Variants in PLXDC2 observed in about 807,000 individuals in gnomAD.
The protein encoded by PLXDC2 is plexin domain containing 2, also known as plexin domain-containing protein 2.
PLXDC2 carries 40 observed loss-of-function variants against 68.9 expected under a neutral mutation model. That is an observed-to-expected ratio of 0.58 (90% confidence interval 0.45 to 0.76). PLXDC2 has a LOEUF of 0.76. Among genes scored for constraint, PLXDC2 ranks in the 30% least tolerant of loss-of-function variants. The pLI is 0.00. For synonymous variants in PLXDC2, 243 were observed against 234.2 expected (o/e 1.04, Z -0.34); for missense variants, 644 against 661.9 (o/e 0.97, Z 0.30).
intron 3 of PLXDC2, among the ~76,000 whole-genome samples, chr10:20,050,199 C>CA (rs1354114448): frequency 3.3e-5 from 5 of 152,070 alleles, no homozygotes; most frequent in East Asian, 3.9e-4. Flanking sequence ...ACACCATATA[C>CA]AAAAAATCAA....
At chr10:20,196,953 C>A (rs1175407736) in intron 9 of PLXDC2, among the ~76,000 whole-genome samples, 1 of 151,786 alleles carries the variant, frequency 6.6e-6, no homozygotes, top group Non-Finnish European at 1.5e-5. Flanking sequence ...GTTCTTAGTG[C>A]CTGCACTTGA....
chr10:20,279,781 G>C lies in PLXDC2; in HGVS notation c.1552G>C (p.Gly518Arg). 6.2e-7 allele frequency: 1 copy of C among 1,613,934 alleles called. No homozygotes were observed. Among genetic ancestry groups the C allele is most frequent in the Non-Finnish European group, 8.5e-7 (1 of 1,179,920 alleles). ...HPAYAEVEPV[G>R]EKEGFIVSEQ... The stretch of plus-strand genomic sequence containing the variant: ...TGCCTATGCTGAAGTTGAACCAGTT[G>C]GAGAGAAAGAAGGCTTTATTGTATC... Residue 518 changes from glycine to arginine, a missense_variant, in exon 14 of 14, where the codon GGA becomes CGA. Physicochemically the swap from Gly to Arg is moderately radical, Grantham distance 125. Transcript: ENST00000377252.
At chr10:19,848,097 A>T (rs1361971438) in intron 1 of PLXDC2, among the ~76,000 whole-genome samples, 1 of 152,090 alleles carries the variant, frequency 6.6e-6, no homozygotes, top group Non-Finnish European at 1.5e-5. Flanking sequence ...AGGCAGGAGG[A>T]TCACTTGAGC....
chr10:20,039,467 G>A (rs1372600957), intron 2 of PLXDC2, among the ~76,000 whole-genome samples: 5 of 152,222 alleles, frequency 3.3e-5, no homozygotes, highest in South Asian at 4.1e-4. Context: ...CAGCTGTTTC[G>A]CAGAGCAATT....
At chr10:20,267,730 T>A (rs1835888709) in intron 13 of PLXDC2, among the ~76,000 whole-genome samples, 1 of 151,836 alleles carries the variant, frequency 6.6e-6, no homozygotes, top group Admixed American at 6.6e-5. Flanking sequence ...AACCATATTA[T>A]CAAACCCCTG....
At chr10:20,064,963 A>G (rs1209794425) in intron 3 of PLXDC2, among the ~76,000 whole-genome samples, 1 of 152,004 alleles carries the variant, frequency 6.6e-6, no homozygotes, top group Non-Finnish European at 1.5e-5. Context: ...CCAACTGGCT[A>G]TAATGATAAC....
intron 4 of PLXDC2, among the ~76,000 whole-genome samples, chr10:20,094,258 T>C (rs1833319242): frequency 6.6e-6 from 1 of 152,240 alleles, no homozygotes; most frequent in Non-Finnish European, 1.5e-5. Flanking sequence ...GCTTAAAATA[T>C]CTGAGAACGT....
intron 4 of PLXDC2, among the ~76,000 whole-genome samples, chr10:20,076,447 C>T (rs1411389550): frequency 1.3e-5 from 2 of 152,164 alleles, no homozygotes; most frequent in Non-Finnish European, 2.9e-5. Context: ...ATAAAAATAC[C>T]TGGTGCATAA....
chr10:20,051,799 T>A (rs113757802), intron 3 of PLXDC2, among the ~76,000 whole-genome samples: 190 of 152,110 alleles, frequency 1.2e-3, no homozygotes, highest in African/African-American at 4.4e-3. Flanking sequence ...GGGACCATGC[T>A]TGGACTCTAT....
intron 13 of PLXDC2, among the ~76,000 whole-genome samples, chr10:20,260,329 T>A (rs911416138): frequency 6.6e-6 from 1 of 152,228 alleles, no homozygotes; most frequent in African/African-American, 2.4e-5. Context: ...AGTTTGTACC[T>A]TTGGGTCTAC....
rs1589643308 is a variant in PLXDC2, at chr10:20,126,742, A to ACACACGTTATATATGTATATAGAACG, written c.542-16528_542-16527insGCACACGTTATATATGTATATAGAAC. 4.3e-4 allele frequency among the ~76,000 whole-genome samples: 2 copies of ACACACGTTATATATGTATATAGAACG among 4,654 alleles called. 1 individual carries two copies. The highest frequency in any genetic ancestry group is 0.018 in the East Asian group (2 of 112). The allele number at this position is 4,654 out of a possible 152,430, so 3.1% of individuals were successfully genotyped here. ...CACACGTTATATATGTATATAGAACACACACGTTATATATGTATATAGAAC... is the reference window on the plus strand; with the variant it reads ...CACACGTTATATATGTATATAGAACACACACGTTATATATGTATATAGAACGCACACGTTATATATGTATATAGAAC... On this transcript the variant is annotated intron_variant, in intron 4 of 13. Transcript: ENST00000377252.
At chr10:19,903,244 G>A (rs1488661429) in intron 1 of PLXDC2, among the ~76,000 whole-genome samples, 1 of 151,706 alleles carries the variant, frequency 6.6e-6, no homozygotes. Context: ...AGTGTCAATA[G>A]CATTGGTACC....
intron 1 of PLXDC2, among the ~76,000 whole-genome samples, chr10:19,894,640 A>G (rs1250479322): frequency 1.3e-5 from 2 of 152,226 alleles, no homozygotes; most frequent in African/African-American, 4.8e-5. Flanking sequence ...CAGCACTATC[A>G]GGTTTTTTTA....
At chr10:20,033,805 A>G (rs1158857135) in intron 2 of PLXDC2, among the ~76,000 whole-genome samples, 7 of 152,198 alleles carry the variant, frequency 4.6e-5, no homozygotes, top group African/African-American at 1.7e-4. Context: ...CAGCCAAACC[A>G]TATCATGCAT....
chr10:19,837,409 AGT>A (rs3043789), intron 1 of PLXDC2, among the ~76,000 whole-genome samples: 6,035 of 82,070 alleles, frequency 0.074, 107 homozygotes, highest in Non-Finnish European at 0.088. Context: ...AGAGAGAGAG[AGT>A]GTGTGTGTGT....
intron 6 of PLXDC2, among the ~76,000 whole-genome samples, chr10:20,151,913 A>G (rs909995629): frequency 6.6e-6 from 1 of 152,068 alleles, no homozygotes; most frequent in Admixed American, 6.6e-5. Flanking sequence ...TGAGAAGAAA[A>G]ATTCTGATTT....
chr10:19,879,856 A>T (rs1472581497), intron 1 of PLXDC2, among the ~76,000 whole-genome samples: 1 of 152,096 alleles, frequency 6.6e-6, no homozygotes, highest in Non-Finnish European at 1.5e-5. Context: ...GGCCATTCTG[A>T]ATGTTTGGAA....
chr10:19,977,342 A>T (rs1834474452), intron 1 of PLXDC2, among the ~76,000 whole-genome samples: 1 of 152,222 alleles, frequency 6.6e-6, no homozygotes, highest in Admixed American at 6.5e-5. Flanking sequence ...AAACTTACTG[A>T]TAAAATCTTT....
At position 20,031,875 on chromosome 10, in the gene PLXDC2, G is replaced by A. The variant is rs553785421; in HGVS notation, c.325-14994G>A. Among the ~76,000 whole-genome samples, 103 of 151,726 alleles carry A rather than the reference G, an allele frequency of 6.8e-4. 1 individual carries two copies. Among genetic ancestry groups the A allele is most frequent in the Admixed American group, 3.0e-3 (45 of 15,202 alleles). On this transcript the variant is annotated intron_variant, in intron 2 of 13. Coordinates refer to ENST00000377252, the MANE Select transcript of PLXDC2 (RefSeq NM_032812.9). ...GAGTCTCACTCTGTCACTCATGCTG[G>A]AGTGCAGTGGCATAATCTCGGCCCA...
Sources: allele counts gnomAD v4.1 joint callset (sites outside exome capture counted in the v4.1 genomes callset), GRCh38; gene constraint gnomAD v4.1.1; transcripts MANE v1.5; gene names NCBI Gene and HGNC (gene_info 2026-07-23, HGNC 2026-07-21).